RAB6A: variants seen among roughly 807,000 people sequenced by gnomAD.
RAB6A encodes the protein RAB6A, member RAS oncogene family.
A neutral mutation model predicts 32.3 loss-of-function variants in RAB6A; 8 were observed. The observed-to-expected ratio is 0.25, with a 90% CI of 0.15 to 0.45. The LOEUF (loss-of-function observed/expected upper bound fraction) is 0.45, where lower values mean the gene tolerates loss of function less well. Among genes scored for constraint, RAB6A ranks in the 20% least tolerant of loss-of-function variants. The pLI, the probability that RAB6A is intolerant of heterozygous loss-of-function variation, is 1.00. For missense variants in RAB6A, 104 were observed against 249.4 expected, an observed-to-expected ratio of 0.42 and a Z score of 3.93; for synonymous variants, 73 against 82.1, an observed-to-expected ratio of 0.89 and a Z score of 0.60.
chr11:73,697,492 T>C (rs1945672821), intron 6 of RAB6A, among the ~76,000 whole-genome samples: 2 of 151,976 alleles, frequency 1.3e-5, no homozygotes, highest in Admixed American at 6.6e-5. Context: ...GGATTACAGG[T>C]GAGCACCACC....
intron 6 of RAB6A, among the ~76,000 whole-genome samples, chr11:73,701,331 G>A (rs887685422): frequency 2.6e-4 from 39 of 152,086 alleles, no homozygotes; most frequent in Non-Finnish European, 7.4e-5. Context: ...AACACACAAC[G>A]GTAATAACAG....
intron 2 of RAB6A, among the ~76,000 whole-genome samples, chr11:73,724,578 C>T (rs1402186233): frequency 6.6e-6 from 1 of 151,702 alleles, no homozygotes; most frequent in Non-Finnish European, 1.5e-5. Context: ...CTCCGCCTCC[C>T]GGGGTTCACG....
At chr11:73,702,167 G>A (rs1945755998) in intron 6 of RAB6A, among the ~76,000 whole-genome samples, 1 of 151,972 alleles carries the variant, frequency 6.6e-6, no homozygotes, top group Non-Finnish European at 1.5e-5. Context: ...TATATAAGGT[G>A]TTTTTTTGTT....
chr11:73,741,198 G>C (rs1351299103), intron 1 of RAB6A, among the ~76,000 whole-genome samples: 1 of 151,368 alleles, frequency 6.6e-6, no homozygotes, highest in Non-Finnish European at 1.5e-5. Context: ...ATGCGGTGGC[G>C]CAATCTCGGC....
chr11:73,712,753 T>C (rs1214776443), intron 5 of RAB6A, among the ~76,000 whole-genome samples: 2 of 143,676 alleles, frequency 1.4e-5, no homozygotes, highest in Admixed American at 7.1e-5. Context: ...ACAGTTTCAC[T>C]CTGTCACCCA....
chr11:73,715,483 T>C (rs572323986), intron 5 of RAB6A, among the ~76,000 whole-genome samples: 12 of 152,334 alleles, frequency 7.9e-5, no homozygotes, highest in Non-Finnish European at 1.5e-4. Context: ...TCTCCACAAG[T>C]CTTTTAACAC....
At chr11:73,722,337 ATATATATTTTTTTTTT>A (rs1946153111) in intron 2 of RAB6A, 2 of 9,998 alleles carry the variant, frequency 2.0e-4, no homozygotes, top group Admixed American at 1.9e-3. Flanking sequence ...ATATATATAT[ATATATATTTTTTTTTT>A]TTTTTTTTTT....
At chr11:73,691,508 T>G (rs1410871584) in intron 6 of RAB6A, among the ~76,000 whole-genome samples, 5 of 152,232 alleles carry the variant, frequency 3.3e-5, no homozygotes, top group Non-Finnish European at 5.9e-5. Context: ...GCACTGATTG[T>G]AATAGCCTAT....
Position 73,757,158 on chromosome 11 carries a change from T to TTC in RAB6A, c.70+3407_70+3408insGA, listed in dbSNP as rs762917342. ...TTTTTTTTTTTTTTTTTTTTTTTTT[T>TTC]CTTGAGACAGAGTCTCACTCTGTCA... On this transcript the variant is annotated intron_variant, in intron 1 of 7. Transcript: ENST00000336083. Among the ~76,000 whole-genome samples the TTC allele has an allele frequency of 5.0e-4, 49 of 98,608 alleles. 1 individual carries two copies. Among genetic ancestry groups the TTC allele is most frequent in the Middle Eastern group, 5.7e-3 (1 of 174 alleles). 64.7% of individuals were successfully genotyped at this position (98,608 alleles called of 152,430 possible).
rs1291633730 is a variant in RAB6A, at chr11:73,676,563, T to A, written c.*1335A>T. On this transcript the variant is annotated 3_prime_UTR_variant, in exon 8 of 8. Transcript: ENST00000336083. ...CTTAAATATAAAACTAAATCACCAG[T>A]TAATTAAACTATACAGATCTAATAC... The A allele has an allele frequency of 6.1e-6, 1 of 163,754 alleles. No homozygotes were observed. The highest frequency in any genetic ancestry group is 1.5e-5 in the Non-Finnish European group (1 of 67,818). The allele number at this position is 163,754 out of a possible 1,614,324, so 10.1% of individuals were successfully genotyped here. A position where few individuals can be genotyped will look rare whatever the true frequency, so the allele number is the denominator to read the frequency against.
chr11:73,693,201 C>T (rs1025104407), intron 6 of RAB6A, among the ~76,000 whole-genome samples: 17 of 151,876 alleles, frequency 1.1e-4, no homozygotes, highest in African/African-American at 3.9e-4. Flanking sequence ...AGCAGAAGAA[C>T]TGCTTGAACC....
intron 1 of RAB6A, among the ~76,000 whole-genome samples, chr11:73,753,588 G>A (rs1263075710): frequency 1.3e-5 from 2 of 151,914 alleles, no homozygotes; most frequent in Non-Finnish European, 2.9e-5. Flanking sequence ...GCGGGCGCCT[G>A]TAGTCCCAGC....
intron 1 of RAB6A, among the ~76,000 whole-genome samples, chr11:73,740,197 T>G (rs1237657584): frequency 2.6e-5 from 4 of 152,160 alleles, no homozygotes; most frequent in Non-Finnish European, 5.9e-5. Flanking sequence ...GATATTTATA[T>G]TTTTTACTTT....
chr11:73,682,773 C>T (rs1405005186), intron 6 of RAB6A, among the ~76,000 whole-genome samples: 3 of 152,140 alleles, frequency 2.0e-5, no homozygotes, highest in African/African-American at 7.2e-5. Context: ...AAGTGATCCT[C>T]CCACCTTGGC....
At chr11:73,690,742 T>C (rs1945541630) in intron 6 of RAB6A, among the ~76,000 whole-genome samples, 2 of 148,534 alleles carry the variant, frequency 1.3e-5, no homozygotes, top group Non-Finnish European at 3.0e-5. Flanking sequence ...CAAACGGAAT[T>C]CCAGGGTTCT....
chr11:73,760,496 A>AT, intron 1 of RAB6A, 70 bp downstream of exon 1: 1 of 1,522,092 alleles, frequency 6.6e-7, no homozygotes, highest in Non-Finnish European at 8.9e-7. Flanking sequence ...CCGCGGACGG[A>AT]AGGGCCGCAC....
chr11:73,755,029 T>A (rs1590896771), intron 1 of RAB6A, among the ~76,000 whole-genome samples: 1 of 148,212 alleles, frequency 6.7e-6, no homozygotes, highest in African/African-American at 2.5e-5. Context: ...TTCAAGGGAC[T>A]CTCCTGCCTC....
chr11:73,679,229 T>C (rs751131640), intron 7 of RAB6A, among the ~76,000 whole-genome samples: 1 of 152,232 alleles, frequency 6.6e-6, no homozygotes, highest in Non-Finnish European at 1.5e-5. Context: ...GAACTAATAT[T>C]ATGTCCTGTT....
At chr11:73,757,098 C>CATACATAT (rs201833447) in intron 1 of RAB6A, among the ~76,000 whole-genome samples, 446 of 37,636 alleles carry the variant, frequency 0.012, 5 homozygotes, top group Non-Finnish European at 0.016. Context: ...AATATACATA[C>CATACATAT]ATATATATAT....
Sources: allele counts gnomAD v4.1 joint callset (sites outside exome capture counted in the v4.1 genomes callset), GRCh38; gene constraint gnomAD v4.1.1; transcripts MANE v1.5; gene names NCBI Gene and HGNC (gene_info 2026-07-23, HGNC 2026-07-21).